MBOAT2: variants seen among roughly 807,000 people sequenced by gnomAD.
MBOAT2 encodes membrane bound glycerophospholipid O-acyltransferase 2, also known as membrane-bound glycerophospholipid O-acyltransferase 2.
In MBOAT2, 28 loss-of-function variants were observed where a neutral mutation model predicts 63.4. The observed-to-expected ratio is 0.44, with a 90% CI of 0.33 to 0.61. The LOEUF is 0.61. Among genes scored for constraint, MBOAT2 ranks in the 20% least tolerant of loss-of-function variants. MBOAT2 has a pLI of 0.03. For synonymous variants in MBOAT2, 211 were observed against 215.6 expected, an observed-to-expected ratio of 0.98 and a Z score of 0.19; for missense variants, 470 against 605.8, an observed-to-expected ratio of 0.78 and a Z score of 2.35.
intron 3 of MBOAT2, among the ~76,000 whole-genome samples, chr2:8,929,624 A>T (rs1667178840): frequency 6.6e-6 from 1 of 152,348 alleles, no homozygotes; most frequent in South Asian, 2.1e-4. Flanking sequence ...AAGTGTTAGG[A>T]TTACAGGCGT....
At chr2:8,939,430 C>T (rs563948130) in intron 3 of MBOAT2, among the ~76,000 whole-genome samples, 4 of 152,154 alleles carry the variant, frequency 2.6e-5, no homozygotes, top group South Asian at 2.1e-4. Flanking sequence ...GGACAGAGTC[C>T]GATGGCATCA....
chr2:8,956,923 A>C (rs1573164413), intron 2 of MBOAT2, among the ~76,000 whole-genome samples: 1 of 152,076 alleles, frequency 6.6e-6, no homozygotes, highest in South Asian at 2.1e-4. Context: ...TATTGTTTAT[A>C]TTTTTATCTT....
intron 3 of MBOAT2, among the ~76,000 whole-genome samples, chr2:8,926,699 A>C (rs999734214): frequency 3.9e-5 from 6 of 152,242 alleles, no homozygotes; most frequent in Non-Finnish European, 7.3e-5. Flanking sequence ...TGAAGCAGAA[A>C]AGAGGCATGG....
At chr2:8,987,871 G>A (rs954297810) in intron 1 of MBOAT2, among the ~76,000 whole-genome samples, 2 of 152,100 alleles carry the variant, frequency 1.3e-5, no homozygotes, top group African/African-American at 4.8e-5. Context: ...GAAGGGTAAT[G>A]GGTGATTTTT....
chr2:8,981,633 G>T (rs1488516001), intron 1 of MBOAT2, among the ~76,000 whole-genome samples: 1 of 152,044 alleles, frequency 6.6e-6, no homozygotes, highest in Admixed American at 6.6e-5. Flanking sequence ...AACACTCAAA[G>T]AAAAGCAGGA....
rs537098376 is a variant in MBOAT2, at chr2:8,992,340, T to C, written c.75+11200A>G. Among the ~76,000 whole-genome samples the C allele has an allele frequency of 5.3e-5, 8 of 152,328 alleles. No individual in the cohort carries two copies. The East Asian group carries it at 7.7e-4, about 15-fold the overall frequency. ...ATACAGATTTGAAGGTCTCGCTACA[T>C]TGCCTGGGCTGATCTCAAACTCCTG... On this transcript the variant is annotated intron_variant, in intron 1 of 12. Coordinates refer to ENST00000305997, the MANE Select transcript of MBOAT2 (RefSeq NM_138799.4).
chr2:8,986,632 ATGTC>A (rs1671591013), intron 1 of MBOAT2, among the ~76,000 whole-genome samples: 1 of 152,038 alleles, frequency 6.6e-6, no homozygotes, highest in Admixed American at 6.6e-5. Context: ...TATAGACTGA[ATGTC>A]TGTTTCCCCC....
At chr2:8,864,677 T>C (rs1302782804) in intron 9 of MBOAT2, among the ~76,000 whole-genome samples, 1 of 152,088 alleles carries the variant, frequency 6.6e-6, no homozygotes, top group African/African-American at 2.4e-5. Context: ...GTGCCCTGGC[T>C]ACTCTCAATT....
intron 9 of MBOAT2, among the ~76,000 whole-genome samples, chr2:8,865,392 GCA>G (rs1261350797): frequency 2.0e-5 from 3 of 151,986 alleles, no homozygotes; most frequent in Admixed American, 1.3e-4. Context: ...ACACTCAGCT[GCA>G]CACACACTTA....
At chr2:8,869,213 T>A (rs1284875575) in intron 8 of MBOAT2, among the ~76,000 whole-genome samples, 3 of 150,552 alleles carry the variant, frequency 2.0e-5, no homozygotes, top group Admixed American at 6.6e-5. Flanking sequence ...TGCCTATTTT[T>A]TTTTTTTTTT....
Position 8,860,593 on chromosome 2 carries a change from G to GT in MBOAT2, c.1337+19dup. On this transcript the variant is annotated intron_variant, in intron 12 of 12. Transcript: ENST00000305997. ...AAATAGAGTTATTCCCACTGACAAA[G>GT]TTTTAAGAGTAACACTTACCTGTAA... The GT allele has an allele frequency of 3.7e-6, 6 of 1,607,026 alleles. No homozygotes were observed. The highest frequency in any genetic ancestry group is 5.1e-6 in the Non-Finnish European group (6 of 1,177,924).
chr2:8,925,324 AACCTT>A (rs1666859513), intron 3 of MBOAT2, among the ~76,000 whole-genome samples: 1 of 152,198 alleles, frequency 6.6e-6, no homozygotes, highest in Admixed American at 6.5e-5. Context: ...TGGGAGAAAA[AACCTT>A]TAGGTGGAAA....
intron 4 of MBOAT2, among the ~76,000 whole-genome samples, chr2:8,889,621 G>A (rs1205194059): frequency 6.6e-6 from 1 of 152,116 alleles, no homozygotes; most frequent in Non-Finnish European, 1.5e-5. Flanking sequence ...ATTTCCCTGG[G>A]GGAGAGAATC....
chr2:8,957,576 C>G (rs1340768860), intron 2 of MBOAT2, among the ~76,000 whole-genome samples: 1 of 152,128 alleles, frequency 6.6e-6, no homozygotes, highest in Non-Finnish European at 1.5e-5. Context: ...CATCCTAGAA[C>G]AAACACAGAA....
At chr2:8,961,976 C>G (rs1268837446) in intron 1 of MBOAT2, among the ~76,000 whole-genome samples, 3 of 152,134 alleles carry the variant, frequency 2.0e-5, no homozygotes, top group African/African-American at 4.8e-5. Context: ...TTCCCCCTCT[C>G]CTCCAGAGGG....
intron 1 of MBOAT2, among the ~76,000 whole-genome samples, chr2:8,987,745 T>A (rs1399069865): frequency 6.6e-6 from 1 of 152,184 alleles, no homozygotes; most frequent in Non-Finnish European, 1.5e-5. Context: ...GCCCTGGGAT[T>A]CCTCACAACG....
rs570355347 is a variant in MBOAT2 at position 8,855,495 on chromosome 2, C to T, written c.*3184G>A. ...GTATGTTTGGAAATCCTGTGTGTGTCACACATGGTGGAGACCAATAAATAT... is the reference window on the plus strand; with the variant it reads ...GTATGTTTGGAAATCCTGTGTGTGTTACACATGGTGGAGACCAATAAATAT... On this transcript the variant is annotated 3_prime_UTR_variant, in exon 13 of 13. Transcript: ENST00000305997. 2.6e-5 allele frequency: 4 copies of T among 152,326 alleles called. No homozygotes were observed. The highest frequency in any genetic ancestry group is 4.8e-5 in the African/African-American group (2 of 41,566). 9.4% of individuals were successfully genotyped at this position (152,326 alleles called of 1,614,324 possible).
At chr2:8,880,478 C>A (rs990185345) in intron 6 of MBOAT2, among the ~76,000 whole-genome samples, 1 of 152,204 alleles carries the variant, frequency 6.6e-6, no homozygotes, top group Non-Finnish European at 1.5e-5. Context: ...GTTCGAGCTG[C>A]CTGTCACTAT....
intron 3 of MBOAT2, among the ~76,000 whole-genome samples, chr2:8,942,132 AAAAAG>A (rs1336642911): frequency 2.0e-5 from 3 of 152,232 alleles, no homozygotes; most frequent in African/African-American, 7.2e-5. Flanking sequence ...TTTACAGAGG[AAAAAG>A]AAAAGTCAGT....
Sources: gnomAD v4.1 joint callset for allele counts (sites outside exome capture counted in the v4.1 genomes callset) on GRCh38, gnomAD v4.1.1 for gene constraint, MANE v1.5 for transcripts, NCBI Gene and HGNC (gene_info 2026-07-23, HGNC 2026-07-21) for gene names.